The following PTPRD variants were observed in gnomAD, a reference collection of about 807,000 sequenced individuals.
The protein encoded by PTPRD is protein tyrosine phosphatase receptor type D.
PTPRD carries 34 observed loss-of-function variants against 214.5 expected under a neutral mutation model. The ratio of observed to expected loss-of-function variants is 0.16; its 90% CI spans 0.12 to 0.21. PTPRD has a LOEUF of 0.21. PTPRD is among the 10% of genes least tolerant of loss of function. PTPRD has a pLI of 1.00. For missense variants in PTPRD, 2,545 were observed against 2,398.7 expected (o/e 1.06, Z -1.27); for synonymous variants, 1,128 against 845.7 (o/e 1.33, Z -5.79).
At chr9:8,643,939 G>C (rs893057139) in intron 12 of PTPRD, among the ~76,000 whole-genome samples, 3 of 152,194 alleles carry the variant, frequency 2.0e-5, no homozygotes, top group Non-Finnish European at 4.4e-5. Flanking sequence ...TGAAGTCTGA[G>C]TGCTGGGCTG....
At chr9:9,474,794 C>T (rs1220064557) in intron 8 of PTPRD, among the ~76,000 whole-genome samples, 4 of 151,940 alleles carry the variant, frequency 2.6e-5, no homozygotes, top group African/African-American at 9.7e-5. Flanking sequence ...TATCTTGCAA[C>T]TTTACTGAAT....
chr9:9,011,357 TTGAGAAAACAGACCTATGGATAAATATA>T (rs1321758333), intron 11 of PTPRD, among the ~76,000 whole-genome samples: 2 of 152,158 alleles, frequency 1.3e-5, no homozygotes, highest in Non-Finnish European at 2.9e-5. Flanking sequence ...AAGTGGTTAT[TTGAGAAAACAGACCTATGGATAAATATA>T]TGGTAAAATA....
chr9:9,363,087 T>C (rs1014741835), intron 9 of PTPRD, among the ~76,000 whole-genome samples: 2 of 147,712 alleles, frequency 1.4e-5, no homozygotes, highest in South Asian at 4.3e-4. Context: ...AGAATAATTA[T>C]CAGGAAATCA....
intron 11 of PTPRD, among the ~76,000 whole-genome samples, chr9:9,001,575 A>C (rs1259120402): frequency 6.6e-6 from 1 of 152,020 alleles, no homozygotes; most frequent in African/African-American, 2.4e-5. Flanking sequence ...GGGTTCAAAA[A>C]TCAGAGTTTT....
At chr9:9,323,326 T>C (rs571375638) in intron 9 of PTPRD, among the ~76,000 whole-genome samples, 9 of 152,254 alleles carry the variant, frequency 5.9e-5, no homozygotes, top group Admixed American at 5.2e-4. Context: ...TTTAATCAAA[T>C]CTTTTTTACT....
At chr9:10,496,025 T>A (rs757787056) in intron 2 of PTPRD, among the ~76,000 whole-genome samples, 2 of 151,850 alleles carry the variant, frequency 1.3e-5, no homozygotes, top group Non-Finnish European at 1.5e-5. Flanking sequence ...TTATTAAATA[T>A]TTTTAAATTA....
intron 9 of PTPRD, among the ~76,000 whole-genome samples, chr9:9,271,246 T>C (rs749946170): frequency 1.3e-5 from 2 of 151,232 alleles, no homozygotes; most frequent in East Asian, 2.0e-4. Flanking sequence ...TTACAAAGCA[T>C]TGAGAGTATT....
chr9:10,118,327 T>G (rs781212664), intron 3 of PTPRD, among the ~76,000 whole-genome samples: 2 of 151,588 alleles, frequency 1.3e-5, no homozygotes, highest in Non-Finnish European at 2.9e-5. Context: ...TCTATATATT[T>G]AATATATTAA....
At chr9:10,210,519 G>T (rs1011569940) in intron 3 of PTPRD, among the ~76,000 whole-genome samples, 5 of 151,630 alleles carry the variant, frequency 3.3e-5, no homozygotes, top group African/African-American at 7.3e-5. Context: ...ATGCCAAGGA[G>T]GGGGGGCTTC....
intron 14 of PTPRD, among the ~76,000 whole-genome samples, chr9:8,576,009 C>T (rs1003008046): frequency 2.0e-5 from 3 of 152,178 alleles, no homozygotes; most frequent in Non-Finnish European, 4.4e-5. Flanking sequence ...ATAGTCCTAA[C>T]AGCCTTTAAA....
At chr9:9,385,701 C>T (rs1490027588) in intron 9 of PTPRD, among the ~76,000 whole-genome samples, 1 of 152,080 alleles carries the variant, frequency 6.6e-6, no homozygotes, top group Non-Finnish European at 1.5e-5. Context: ...TAAGGGAACA[C>T]CCATTAAACC....
At chr9:9,796,357 A>T (rs1371276348) in intron 5 of PTPRD, among the ~76,000 whole-genome samples, 4 of 152,176 alleles carry the variant, frequency 2.6e-5, no homozygotes, top group Non-Finnish European at 4.4e-5. Flanking sequence ...TGCATAGAAG[A>T]CAGCTCAATT....
intron 7 of PTPRD, among the ~76,000 whole-genome samples, chr9:9,646,318 G>GTGTGTGTGTGT (rs1564283052): frequency 2.2e-5 from 3 of 137,236 alleles, no homozygotes; most frequent in African/African-American, 8.3e-5. Context: ...TGTGTGTGTG[G>GTGTGTGTGTGT]GTGTGTGTGT....
chr9:10,143,208 G>C (rs291286), intron 3 of PTPRD, among the ~76,000 whole-genome samples: 61,048 of 151,674 alleles, frequency 0.4, 13,005 homozygotes, highest in Non-Finnish European at 0.48. Context: ...GCACCGGCAT[G>C]GCACATGTAT....
chr9:9,657,246 C>A (rs1323560423), intron 7 of PTPRD, among the ~76,000 whole-genome samples: 1 of 151,750 alleles, frequency 6.6e-6, no homozygotes. Context: ...TCTATGGTTT[C>A]AAGATACACC....
chr9:8,748,098 C>T (rs986314029), intron 11 of PTPRD, among the ~76,000 whole-genome samples: 2 of 152,156 alleles, frequency 1.3e-5, no homozygotes, highest in African/African-American at 4.8e-5. Flanking sequence ...ATCTCAACTG[C>T]ACAACAACTA....
chr9:8,975,815 TAC>T (rs1314105633), intron 11 of PTPRD, among the ~76,000 whole-genome samples: 1 of 151,532 alleles, frequency 6.6e-6, no homozygotes, highest in Admixed American at 6.6e-5. Context: ...TATATATATA[TAC>T]ACATCCAAAA....
chr9:9,841,644 G>A (rs1272059433), intron 5 of PTPRD, among the ~76,000 whole-genome samples: 1 of 152,068 alleles, frequency 6.6e-6, no homozygotes, highest in East Asian at 1.9e-4. Flanking sequence ...TGTTAGCACT[G>A]GAGATAGCAA....
intron 14 of PTPRD, among the ~76,000 whole-genome samples, chr9:8,536,757 C>G (rs994669829): frequency 6.6e-6 from 1 of 151,938 alleles, no homozygotes; most frequent in African/African-American, 2.4e-5. Flanking sequence ...ATAAGTAGAC[C>G]TAACATATCT....
Sources: allele counts gnomAD v4.1 joint callset (sites outside exome capture counted in the v4.1 genomes callset), GRCh38; gene constraint gnomAD v4.1.1; transcripts MANE v1.5; gene names NCBI Gene and HGNC (gene_info 2026-07-23, HGNC 2026-07-21).